SYNM: variants seen among roughly 807,000 people sequenced by gnomAD.
SYNM encodes synemin.
In SYNM, 95 loss-of-function variants were observed where a neutral mutation model predicts 104.0. The observed-to-expected ratio is 0.91, with a 90% CI of 0.77 to 1.08. The LOEUF is 1.08. Ranked by LOEUF, SYNM falls within the 50% of genes least tolerant of loss-of-function variation. SYNM has a pLI of 0.00. For synonymous variants in SYNM, 918 were observed against 869.0 expected, an observed-to-expected ratio of 1.06 and a Z score of -0.99; for missense variants, 2,150 against 2,052.2, an observed-to-expected ratio of 1.05 and a Z score of -0.92.
intron 2 of SYNM, among the ~76,000 whole-genome samples, chr15:99,125,063 A>C (rs143705101): frequency 6.6e-6 from 1 of 152,260 alleles, no homozygotes; most frequent in Non-Finnish European, 1.5e-5. Context: ...GGGAAGACGT[A>C]TTTTTCCCTG....
intron 2 of SYNM, among the ~76,000 whole-genome samples, chr15:99,119,163 G>A (rs1244235204): frequency 1.3e-5 from 2 of 152,154 alleles, no homozygotes; most frequent in Admixed American, 6.5e-5. Flanking sequence ...CGAATCTCCC[G>A]GCCCTCAAGA....
intron 3 of SYNM, chr15:99,129,028 T>G: frequency 4.5e-6 from 1 of 222,438 alleles, no homozygotes; most frequent in Non-Finnish European, 8.9e-6. Context: ...AATATAAGAT[T>G]GTGAAATTTC....
downstream of SYNM, among the ~76,000 whole-genome samples, chr15:99,138,704 G>C (rs977040399): frequency 1.6e-4 from 24 of 152,240 alleles, no homozygotes; most frequent in African/African-American, 5.8e-4. Flanking sequence ...TGGGTGAGGA[G>C]GATGGTCAGG....
rs547342243 is a variant in SYNM, at chr15:99,121,223, G to A, written c.936-5499G>A. The stretch of plus-strand genomic sequence containing the variant: ...CAGGGGCCTTGAACGCTGGGAAGCT[G>A]CAGTGGGGCTTTCTGTGGCATGCAG... On this transcript the variant is annotated intron_variant, in intron 2 of 3. Transcript: ENST00000336292. 2.0e-5 allele frequency among the ~76,000 whole-genome samples: 3 copies of A among 152,186 alleles called. No homozygotes were observed. In the South Asian group the frequency reaches 6.2e-4, roughly 32 times the overall value.
At chr15:99,120,985 G>A (rs1170438912) in intron 2 of SYNM, among the ~76,000 whole-genome samples, 2 of 152,100 alleles carry the variant, frequency 1.3e-5, no homozygotes, top group South Asian at 2.1e-4. Context: ...GGTCACTGCC[G>A]GATGGAGCAC....
intron 2 of SYNM, among the ~76,000 whole-genome samples, chr15:99,114,924 T>C (rs2067333276): frequency 6.6e-6 from 1 of 152,172 alleles, no homozygotes; most frequent in Non-Finnish European, 1.5e-5. Flanking sequence ...GTTGCCCAAC[T>C]TCAGGAACAC....
chr15:99,115,285 G>A (rs1166863444), intron 2 of SYNM, among the ~76,000 whole-genome samples: 1 of 152,254 alleles, frequency 6.6e-6, no homozygotes, highest in African/African-American at 2.4e-5. Context: ...TTCACAGGTG[G>A]CAGATTAAAC....
chr15:99,126,793 G>A lies in SYNM; in HGVS notation c.1006+1G>A, dbSNP rs1398405593. 6.4e-7 allele frequency: 1 copy of A among 1,563,488 alleles called. No homozygotes were observed. ...GAGCACGTTGAAAACATGCCGTCAGGTAAGTAAAAGCTAATGACTTGACTT... is the reference window on the plus strand; with the variant it reads ...GAGCACGTTGAAAACATGCCGTCAGATAAGTAAAAGCTAATGACTTGACTT... On this transcript the variant is annotated splice_donor_variant, in intron 3 of 3. Transcript: ENST00000336292. LOFTEE classifies it high-confidence loss of function.
chr15:99,120,640 C>T lies in SYNM; in HGVS notation c.936-6082C>T, dbSNP rs565834040. Among the ~76,000 whole-genome samples, 3 of 152,300 alleles carry T rather than the reference C, an allele frequency of 2.0e-5. No individual in the cohort carries two copies. In the East Asian group the frequency reaches 5.8e-4, roughly 29 times the overall value. On this transcript the variant is annotated intron_variant, in intron 2 of 3. Coordinates refer to ENST00000336292, the MANE Select transcript of SYNM (RefSeq NM_145728.3). The stretch of plus-strand genomic sequence containing the variant: ...TGGGCTTCACGTCAAGGAACATGGG[C>T]TGTAGATGAGGCAGCATGGATCTGG...
rs370574007 is a variant in SYNM, at chr15:99,130,903, C to T, written c.2543C>T (p.Ser848Leu). ...GGGGGGCACGACAGAGATGACGGCT[C>T]GGTGTACGGGCAGATCCACATCGAG... Reference protein sequence around the residue: ...HPGGHDRDDGSVYGQIHIEEE... With the variant: ...HPGGHDRDDGLVYGQIHIEEE... Residue 848 changes from serine (S) to leucine (L), a missense_variant, in exon 4 of 4, where the codon TCG (serine) becomes TTG (leucine). Coordinates refer to ENST00000336292, the MANE Select transcript of SYNM (RefSeq NM_145728.3). 17 of 1,613,704 alleles carry T rather than the reference C, an allele frequency of 1.1e-5. No homozygotes were observed. Among genetic ancestry groups the T allele is most frequent in the South Asian group, 2.2e-5 (2 of 91,062 alleles).
chr15:99,133,313 C>A lies in SYNM; in HGVS notation c.*255C>A. 1 of 544,928 alleles carries A rather than the reference C, an allele frequency of 1.8e-6. No homozygotes were observed. The highest frequency in any genetic ancestry group is 2.4e-5 in the South Asian group (1 of 41,554). 33.8% of individuals were successfully genotyped at this position (544,928 alleles called of 1,614,324 possible). On this transcript the variant is annotated 3_prime_UTR_variant, in exon 4 of 4. Transcript: ENST00000336292. Reference sequence around the variant, plus strand: ...AAAACACTTTTTTCCCTGGAGTCTTCTCTCCACTTCTGGAGATGAATTTCT... The same window carrying A: ...AAAACACTTTTTTCCCTGGAGTCTTATCTCCACTTCTGGAGATGAATTTCT...
intron 2 of SYNM, among the ~76,000 whole-genome samples, chr15:99,118,861 G>A (rs907698589): frequency 4.6e-5 from 7 of 152,204 alleles, no homozygotes; most frequent in Admixed American, 1.3e-4. Flanking sequence ...CCTAAGACGT[G>A]CAGCACCATC....
At chr15:99,110,276 G>A (rs142209149) in intron 1 of SYNM, among the ~76,000 whole-genome samples, 7 of 152,320 alleles carry the variant, frequency 4.6e-5, no homozygotes, top group African/African-American at 9.6e-5. Context: ...AATGCTCAAC[G>A]GCTGGTAGTT....
intron 3 of SYNM, among the ~76,000 whole-genome samples, chr15:99,128,291 C>T (rs374454776): frequency 3.3e-5 from 5 of 152,158 alleles, no homozygotes; most frequent in Non-Finnish European, 5.9e-5. Flanking sequence ...GCCGCTTGCC[C>T]GCTAGCCGGT....
At chr15:99,107,954 T>G (rs782142907) in intron 1 of SYNM, among the ~76,000 whole-genome samples, 53,832 of 147,084 alleles carry the variant, frequency 0.37, 9,953 homozygotes, top group African/African-American at 0.48. Context: ...TTGTTTTGTT[T>G]TTTTTTTGGT....
At chr15:99,129,173 T>C in intron 3 of SYNM, 194 bp from the exon 4 acceptor site, 1 of 728,078 alleles carries the variant, frequency 1.4e-6, no homozygotes, top group South Asian at 2.0e-5. Flanking sequence ...TGCTACATTT[T>C]ATTGTAACAG....
intron 2 of SYNM, among the ~76,000 whole-genome samples, chr15:99,118,800 C>T (rs2067373570): frequency 6.6e-6 from 1 of 152,188 alleles, no homozygotes; most frequent in Non-Finnish European, 1.5e-5. Flanking sequence ...GCCAGGGAAG[C>T]TGCTGGCAGC....
At position 99,105,447 on chromosome 15, in the gene SYNM, G is replaced by A. The variant is rs1433772686; in HGVS notation, c.248G>A (p.Gly83Asp). 3.3e-5 allele frequency: 47 copies of A among 1,432,718 alleles called. No individual in the cohort carries two copies. The East Asian group carries it at 1.1e-3, about 35-fold the overall frequency. The allele number at this position is 1,432,718 out of a possible 1,614,324, so 88.8% of individuals were successfully genotyped here. The change falls in exon 1 of 4, where the codon GGC becomes GAC. Residue 83 changes from glycine (G) to aspartate (D), a missense_variant. Coordinates refer to ENST00000336292, the MANE Select transcript of SYNM (RefSeq NM_145728.3). ...ELSWATALAE[G>D]ERDALRRELR... ...AGCTGGGCCACTGCGCTGGCGGAGG[G>A]CGAGCGGGACGCTCTGCGGCGCGAG...
intron 1 of SYNM, among the ~76,000 whole-genome samples, chr15:99,109,922 G>T (rs2067285877): frequency 6.6e-6 from 1 of 152,190 alleles, no homozygotes; most frequent in Admixed American, 6.5e-5. Context: ...AGCCACTGGA[G>T]GTTCTGAGCC....
Sources: allele counts gnomAD v4.1 joint callset (sites outside exome capture counted in the v4.1 genomes callset), GRCh38; gene constraint gnomAD v4.1.1; transcripts MANE v1.5; gene names NCBI Gene and HGNC (gene_info 2026-07-23, HGNC 2026-07-21).